Variants in ATRNL1 observed in about 807,000 individuals in gnomAD.
The protein encoded by ATRNL1 is attractin-like protein 1.
A neutral mutation model predicts 182.7 loss-of-function variants in ATRNL1; 95 were observed. The observed-to-expected ratio is 0.52, with a 90% CI of 0.44 to 0.62. The LOEUF is 0.62. ATRNL1 is among the 20% of genes least tolerant of loss of function. The pLI, the probability that ATRNL1 is intolerant of heterozygous loss-of-function variation, is 0.00. For missense variants in ATRNL1, 1,471 were observed against 1,679.5 expected (o/e 0.88, Z 2.17); for synonymous variants, 576 against 568.3 (o/e 1.01, Z -0.19).
At chr10:115,620,319 G>A (rs868953936) in intron 26 of ATRNL1, among the ~76,000 whole-genome samples, 2 of 152,106 alleles carry the variant, frequency 1.3e-5, no homozygotes, top group Non-Finnish European at 2.9e-5. Context: ...CCATCCTCAT[G>A]ACCCAAGCAC....
chr10:115,583,321 ATCTG>A (rs1271098617), intron 26 of ATRNL1, among the ~76,000 whole-genome samples: 2 of 78,044 alleles, frequency 2.6e-5, no homozygotes, highest in South Asian at 6.8e-4. Context: ...CATTGAATCT[ATCTG>A]TAAATTACCT....
chr10:115,125,496 AT>A (rs879992221), intron 3 of ATRNL1, among the ~76,000 whole-genome samples: 448 of 141,300 alleles, frequency 3.2e-3, no homozygotes, highest in Admixed American at 3.9e-3. Flanking sequence ...GAGAAGTGTT[AT>A]TTTTTTTTTT....
At position 115,369,431 on chromosome 10, in the gene ATRNL1, A is replaced by C. The variant is rs782745872; in HGVS notation, c.3176-25228A>C. 2.6e-5 allele frequency among the ~76,000 whole-genome samples: 4 copies of C among 152,144 alleles called. No homozygotes were observed. The East Asian group carries it at 7.8e-4, about 29-fold the overall frequency. On this transcript the variant is annotated intron_variant, in intron 19 of 28. Coordinates refer to ENST00000355044, the MANE Select transcript of ATRNL1 (RefSeq NM_207303.4). ...GGGATTGGGGTTTTGTGAGAGGATG[A>C]GGCTTGAATGAGTTGATCACTTTTG...
At chr10:115,783,741 G>A (rs980530177) in intron 27 of ATRNL1, among the ~76,000 whole-genome samples, 3 of 152,270 alleles carry the variant, frequency 2.0e-5, no homozygotes, top group Admixed American at 6.5e-5. Flanking sequence ...GGGGCCGGGC[G>A]CGGTGGCTCA....
intron 26 of ATRNL1, among the ~76,000 whole-genome samples, chr10:115,721,998 T>C (rs1947441768): frequency 6.6e-6 from 1 of 152,094 alleles, no homozygotes; most frequent in Admixed American, 6.5e-5. Flanking sequence ...GAAGAAAAAA[T>C]AACTAATCTT....
At position 115,281,498 on chromosome 10, in the gene ATRNL1, C is replaced by A. The variant is rs782766765; in HGVS notation, c.2233+11C>A. On this transcript the variant is annotated intron_variant, in intron 14 of 28. Coordinates refer to ENST00000355044, the MANE Select transcript of ATRNL1 (RefSeq NM_207303.4). ...GCCAGGCTTTACCAGGTAAAGATTT[C>A]AAAATTTAGTAAATGAGTTTATGGT... 10 of 1,610,944 alleles carry A rather than the reference C, an allele frequency of 6.2e-6. No homozygotes were observed. In the South Asian group the frequency reaches 1.1e-4, roughly 18 times the overall value.
At chr10:115,938,152 T>C (rs561176968) in intron 28 of ATRNL1, among the ~76,000 whole-genome samples, 2 of 152,350 alleles carry the variant, frequency 1.3e-5, no homozygotes, top group East Asian at 1.9e-4. Flanking sequence ...TCATTTGATG[T>C]GCAGTATTTT....
intron 27 of ATRNL1, among the ~76,000 whole-genome samples, chr10:115,793,681 A>T (rs986115180): frequency 2.0e-5 from 3 of 152,134 alleles, no homozygotes; most frequent in Non-Finnish European, 4.4e-5. Context: ...TCATTCATCA[A>T]ATATTTATTG....
Position 115,738,138 on chromosome 10 carries a change from T to G in ATRNL1, c.3903+10783T>G, listed in dbSNP as rs1169965005. 5.1e-5 allele frequency among the ~76,000 whole-genome samples: 5 copies of G among 97,570 alleles called. 1 individual carries two copies. Among genetic ancestry groups the G allele is most frequent in the Non-Finnish European group, 1.1e-4 (5 of 47,164 alleles). The allele number at this position is 97,570 out of a possible 152,430, so 64.0% of individuals were successfully genotyped here. ...TTAGAAGATAATGATTTTTTTTTTT[T>G]TTTTTTTTTTTTTTTTTTGAGATGG... On this transcript the variant is annotated intron_variant, in intron 27 of 28. Coordinates refer to ENST00000355044, the MANE Select transcript of ATRNL1 (RefSeq NM_207303.4).
chr10:115,701,883 G>A (rs1467475425), intron 26 of ATRNL1, among the ~76,000 whole-genome samples: 1 of 151,914 alleles, frequency 6.6e-6, no homozygotes, highest in Non-Finnish European at 1.5e-5. Context: ...AGGAGAGCTG[G>A]TATTCATTCT....
At chr10:115,717,001 A>T (rs1947271712) in intron 26 of ATRNL1, among the ~76,000 whole-genome samples, 1 of 152,202 alleles carries the variant, frequency 6.6e-6, no homozygotes, top group Non-Finnish European at 1.5e-5. Flanking sequence ...AGTAATATGT[A>T]TTAAAATCCA....
intron 26 of ATRNL1, among the ~76,000 whole-genome samples, chr10:115,554,565 A>ATAG (rs1831083647): frequency 6.6e-6 from 1 of 151,666 alleles, no homozygotes. Context: ...AGAAAAAGAT[A>ATAG]TAGGCCCCAT....
At chr10:115,688,657 A>G (rs1161779318) in intron 26 of ATRNL1, among the ~76,000 whole-genome samples, 3 of 151,870 alleles carry the variant, frequency 2.0e-5, no homozygotes, top group African/African-American at 7.3e-5. Flanking sequence ...TGTTTTAATG[A>G]GGTTTTTTTT....
At chr10:115,282,308 G>T (rs1294763917) in intron 14 of ATRNL1, among the ~76,000 whole-genome samples, 1 of 149,136 alleles carries the variant, frequency 6.7e-6, no homozygotes, top group African/African-American at 2.5e-5. Flanking sequence ...TGCACAATGT[G>T]CAGGTTAGTT....
chr10:115,283,644 A>T (rs1852476015), intron 14 of ATRNL1, among the ~76,000 whole-genome samples: 2 of 152,240 alleles, frequency 1.3e-5, no homozygotes, highest in South Asian at 4.1e-4. Context: ...CTATAAAATG[A>T]AAATGTAGAT....
At chr10:115,606,955 A>G (rs923360257) in intron 26 of ATRNL1, among the ~76,000 whole-genome samples, 32 of 152,100 alleles carry the variant, frequency 2.1e-4, no homozygotes, top group African/African-American at 7.0e-4. Flanking sequence ...CGTTTGTTAC[A>G]GTTCAGTGAT....
chr10:115,369,536 GA>G (rs1297704028), intron 19 of ATRNL1, among the ~76,000 whole-genome samples: 1 of 152,082 alleles, frequency 6.6e-6, no homozygotes, highest in Non-Finnish European at 1.5e-5. Flanking sequence ...TAAACATGGG[GA>G]GTGCATATAT....
At chr10:115,382,691 G>GCTTTT (rs1858089622) in intron 19 of ATRNL1, among the ~76,000 whole-genome samples, 1 of 118,356 alleles carries the variant, frequency 8.4e-6, no homozygotes, top group African/African-American at 3.6e-5. Flanking sequence ...TCTGTTCTTT[G>GCTTTT]CTTTTTTTTT....
chr10:115,610,563 C>T (rs1233745220), intron 26 of ATRNL1, among the ~76,000 whole-genome samples: 1 of 152,112 alleles, frequency 6.6e-6, no homozygotes, highest in Non-Finnish European at 1.5e-5. Context: ...TTAATAGAGA[C>T]AGAATAGCAT....
Sources: allele counts gnomAD v4.1 joint callset (sites outside exome capture counted in the v4.1 genomes callset), GRCh38; gene constraint gnomAD v4.1.1; transcripts MANE v1.5; gene names NCBI Gene and HGNC (gene_info 2026-07-23, HGNC 2026-07-21).